Variants in MYOF observed in about 807,000 individuals in gnomAD.
MYOF encodes myoferlin, also known as fer-1-like 3, myoferlin.
Under a neutral mutation model 284.2 loss-of-function variants are expected in MYOF, and 244 were observed. That is an observed-to-expected ratio of 0.86 (90% CI 0.77 to 0.95). The LOEUF is 0.95. Among genes scored for constraint, MYOF ranks in the 40% least tolerant of loss-of-function variants. MYOF has a pLI of 0.00. For missense variants in MYOF, 2,496 were observed against 2,560.6 expected, an observed-to-expected ratio of 0.97 and a Z score of 0.54; for synonymous variants, 904 against 919.7, an observed-to-expected ratio of 0.98 and a Z score of 0.31.
chr10:93,366,202 G>C (rs1287704886), intron 26 of MYOF, among the ~76,000 whole-genome samples, 190 bp downstream of exon 26: 2 of 150,976 alleles, frequency 1.3e-5, no homozygotes, highest in East Asian at 3.8e-4. Flanking sequence ...TTAGTTACCA[G>C]GTGCTTTTTA....
Position 93,328,857 on chromosome 10 carries a change from A to G in MYOF, c.5037T>C (p.Asn1679=), listed in dbSNP as rs1230548133. 5.0e-6 allele frequency: 8 copies of G among 1,613,736 alleles called. No individual in the cohort carries two copies. The African/African-American group carries it at 8.0e-5, about 16-fold the overall frequency. ...GTGGGAAGCCTTTGAATCTGGCGAC[A>G]TTTTGAAGCAGCTGTGTTGGTCTCA... ...DQLRPTQLLQ[N]VARFKGFPQP... Residue 1679 remains asparagine, a synonymous_variant, in exon 45 of 54, where the codon AAT becomes AAC. Transcript: ENST00000359263.
At chr10:93,463,793 G>A (rs1019829558) in intron 1 of MYOF, among the ~76,000 whole-genome samples, 1 of 149,176 alleles carries the variant, frequency 6.7e-6, no homozygotes, top group Non-Finnish European at 1.5e-5. Flanking sequence ...GATTGCTTGA[G>A]CTTGGGAGGT....
At chr10:93,364,510 C>T (rs571498970) in intron 26 of MYOF, among the ~76,000 whole-genome samples, 20 of 152,068 alleles carry the variant, frequency 1.3e-4, no homozygotes, top group East Asian at 9.7e-4. Flanking sequence ...AGAGTGTAGA[C>T]GGTCTCATGA....
intron 1 of MYOF, among the ~76,000 whole-genome samples, chr10:93,458,464 G>C (rs555225066): frequency 6.6e-6 from 1 of 152,252 alleles, no homozygotes; most frequent in East Asian, 1.9e-4. Flanking sequence ...GGCTGGGTGC[G>C]GTGGCTGACA....
intron 7 of MYOF, among the ~76,000 whole-genome samples, chr10:93,406,288 T>TTATACATATATATATATATATATA (rs1554855589): frequency 4.0e-4 from 23 of 58,144 alleles, no homozygotes; most frequent in Admixed American, 8.3e-4. Context: ...TAAACCTCTT[T>TTATACATATATATATATATATATA]TATATATATA....
intron 13 of MYOF, among the ~76,000 whole-genome samples, chr10:93,397,954 G>A (rs1005708307): frequency 6.6e-5 from 10 of 152,068 alleles, no homozygotes; most frequent in Non-Finnish European, 1.0e-4. Flanking sequence ...TCTTCAAGCT[G>A]ATCCTGAAAT....
At chr10:93,321,745 A>ATACTT (rs1208118605) in intron 48 of MYOF, among the ~76,000 whole-genome samples, 2 of 152,052 alleles carry the variant, frequency 1.3e-5, no homozygotes, top group African/African-American at 4.8e-5. Flanking sequence ...AAATCTTTTC[A>ATACTT]TACTTTAAGA....
chr10:93,402,934 T>C lies in MYOF; in HGVS notation c.844-44A>G, dbSNP rs769089435. The C allele has an allele frequency of 2.6e-5, 39 of 1,505,598 alleles. 1 individual carries two copies. Among genetic ancestry groups the C allele is most frequent in the Non-Finnish European group, 3.5e-5 (38 of 1,085,258 alleles). 93.3% of individuals were successfully genotyped at this position (1,505,598 alleles called of 1,614,324 possible). ...AAAGTAGTCTAAGTAGATTTTAAAA[T>C]CAGTCTAGTCACTTTAAAGAAGCCA... On this transcript the variant is annotated intron_variant, in intron 9 of 53. Transcript: ENST00000359263.
chr10:93,364,640 G>A (rs1845241653), intron 26 of MYOF, among the ~76,000 whole-genome samples: 1 of 152,120 alleles, frequency 6.6e-6, no homozygotes, highest in South Asian at 2.1e-4. Flanking sequence ...CTCCATTTGG[G>A]CATTTGGGAA....
intron 3 of MYOF, among the ~76,000 whole-genome samples, chr10:93,431,747 T>TTTC (rs1439891731): frequency 5.5e-5 from 4 of 72,348 alleles, no homozygotes; most frequent in Non-Finnish European, 9.3e-5. Context: ...CTTTCTTTTC[T>TTTC]TTTTTTTTTT....
chr10:93,411,902 G>T (rs1013017411), intron 5 of MYOF, among the ~76,000 whole-genome samples: 1 of 152,070 alleles, frequency 6.6e-6, no homozygotes, highest in Non-Finnish European at 1.5e-5. Flanking sequence ...CTCCTCCCCC[G>T]ATCTGCTTTT....
rs1288010535 is a variant in MYOF, at chr10:93,322,988, C to A, written c.5456+90G>T. 5.7e-5 allele frequency: 73 copies of A among 1,289,044 alleles called. No homozygotes were observed. In the East Asian group the frequency reaches 1.7e-3, roughly 30 times the overall value. The allele number at this position is 1,289,044 out of a possible 1,614,324, so 79.9% of individuals were successfully genotyped here. A position where few individuals can be genotyped will look rare whatever the true frequency, so the allele number is the denominator to read the frequency against. On this transcript the variant is annotated intron_variant, in intron 48 of 53. Coordinates refer to ENST00000359263, the MANE Select transcript of MYOF (RefSeq NM_013451.4). ...AAAATAACCTCAAAAAACCAAGAAT[C>A]CTATCTTGGGCATATTCAGTAATGA...
Position 93,441,764 on chromosome 10 carries a change from C to G in MYOF, c.237-10248G>C, listed in dbSNP as rs1424296577. On this transcript the variant is annotated intron_variant, in intron 3 of 53. Transcript: ENST00000359263. ...TTTTTAGTAGAGACGGGGGTTTGCCCATGTTGGCCAGGCTGGTCTCGAACT... is the reference window on the plus strand; with the variant it reads ...TTTTTAGTAGAGACGGGGGTTTGCCGATGTTGGCCAGGCTGGTCTCGAACT... Among the ~76,000 whole-genome samples the G allele has an allele frequency of 3.9e-5, 6 of 151,974 alleles. No homozygotes were observed. In the East Asian group the frequency reaches 1.2e-3, roughly 29 times the overall value.
chr10:93,448,122 A>G (rs895787410), intron 3 of MYOF, among the ~76,000 whole-genome samples: 1 of 151,850 alleles, frequency 6.6e-6, no homozygotes, highest in African/African-American at 2.4e-5. Flanking sequence ...TGCCTTTCTC[A>G]CGTTTCTCCA....
At chr10:93,481,447 A>C (rs746092153) in intron 1 of MYOF, among the ~76,000 whole-genome samples, 3 of 152,156 alleles carry the variant, frequency 2.0e-5, no homozygotes, top group African/African-American at 4.8e-5. Context: ...CAGAGAAATG[A>C]AGTAACTTGC....
chr10:93,437,190 G>C (rs2134241398), intron 3 of MYOF, among the ~76,000 whole-genome samples: 1 of 152,190 alleles, frequency 6.6e-6, no homozygotes, highest in South Asian at 2.1e-4. Context: ...ATGATTGGGG[G>C]AATGAAAGAG....
chr10:93,344,251 T>G (rs1190610144), intron 37 of MYOF, among the ~76,000 whole-genome samples: 7 of 152,094 alleles, frequency 4.6e-5, no homozygotes, highest in Non-Finnish European at 1.0e-4. Context: ...GGTGCAGGAG[T>G]AAGTGGGGAA....
chr10:93,410,828 G>A (rs777354538), intron 5 of MYOF, among the ~76,000 whole-genome samples: 12 of 152,224 alleles, frequency 7.9e-5, no homozygotes, highest in Non-Finnish European at 1.3e-4. Context: ...TCCAAGGACA[G>A]TCACCTGTCA....
intron 1 of MYOF, among the ~76,000 whole-genome samples, chr10:93,460,731 C>A (rs2056852935): frequency 7.0e-6 from 1 of 143,132 alleles, no homozygotes; most frequent in Admixed American, 7.3e-5. Context: ...CAAGCCACTG[C>A]ACTCCAGCCT....
Sources: gnomAD v4.1 joint callset for allele counts (sites outside exome capture counted in the v4.1 genomes callset) on GRCh38, gnomAD v4.1.1 for gene constraint, MANE v1.5 for transcripts, NCBI Gene and HGNC (gene_info 2026-07-23, HGNC 2026-07-21) for gene names.